CRTAC1: variants seen among roughly 807,000 people sequenced by gnomAD.
CRTAC1 encodes acidic secreted protein in cartilage.
In CRTAC1, 37 loss-of-function variants were observed where a neutral mutation model predicts 67.8. The observed-to-expected ratio is 0.55, with a 90% confidence interval of 0.42 to 0.72. CRTAC1 has a LOEUF of 0.72. CRTAC1 is among the 30% of genes least tolerant of loss of function. The probability of loss-of-function intolerance (pLI) is 0.00; values close to 1 mark genes in which losing one functional copy is unlikely to be tolerated. For synonymous variants in CRTAC1, 348 were observed against 371.0 expected (o/e 0.94, Z 0.71); for missense variants, 780 against 931.6 (o/e 0.84, Z 2.12).
intron 2 of CRTAC1, among the ~76,000 whole-genome samples, chr10:97,984,388 T>C (rs948740761): frequency 4.6e-5 from 7 of 152,218 alleles, no homozygotes; most frequent in African/African-American, 1.4e-4. Context: ...TCCAGACACT[T>C]TGGGGCCTCT....
intron 11 of CRTAC1, among the ~76,000 whole-genome samples, chr10:97,894,698 C>T (rs1217542382): frequency 9.2e-6 from 1 of 108,860 alleles, no homozygotes; most frequent in Non-Finnish European, 1.8e-5. Flanking sequence ...GTGCCCAGCC[C>T]CTGATGCTTT....
intron 7 of CRTAC1, among the ~76,000 whole-genome samples, chr10:97,904,308 C>T (rs2136569526): frequency 6.6e-6 from 1 of 152,298 alleles, no homozygotes; most frequent in Non-Finnish European, 1.5e-5. Context: ...GAGCCTTGAG[C>T]CCTGCTCAGC....
At chr10:97,902,647 A>T (rs1318757591) in intron 7 of CRTAC1, among the ~76,000 whole-genome samples, 1 of 152,160 alleles carries the variant, frequency 6.6e-6, no homozygotes, top group African/African-American at 2.4e-5. Flanking sequence ...TTTCCCCTAA[A>T]GACCTTGGGG....
At chr10:98,027,115 C>T (rs1221983984) in intron 1 of CRTAC1, among the ~76,000 whole-genome samples, 5 of 150,320 alleles carry the variant, frequency 3.3e-5, no homozygotes, top group Non-Finnish European at 1.5e-5. Flanking sequence ...TGCAGTGAGC[C>T]GAGATTGCGC....
intron 3 of CRTAC1, among the ~76,000 whole-genome samples, chr10:97,933,341 G>A (rs1416436356): frequency 6.6e-6 from 1 of 152,260 alleles, no homozygotes; most frequent in Admixed American, 6.5e-5. Context: ...GCCTCTCCCA[G>A]TGCACACTTA....
At chr10:97,905,092 G>C (rs34030605) in intron 6 of CRTAC1, among the ~76,000 whole-genome samples, 2 of 152,096 alleles carry the variant, frequency 1.3e-5, no homozygotes, top group Non-Finnish European at 2.9e-5. Flanking sequence ...GCATGGGTTG[G>C]GGGAGGGAGA....
intron 13 of CRTAC1, among the ~76,000 whole-genome samples, chr10:97,880,702 C>T (rs1590176830): frequency 6.6e-6 from 1 of 152,282 alleles, no homozygotes. Context: ...TGGCTCCAGA[C>T]TCACGAATAC....
At position 98,030,504 on chromosome 10, in the gene CRTAC1, G is replaced by A; in HGVS notation, c.-32C>T. The A allele has an allele frequency of 2.4e-6, 3 of 1,242,206 alleles. No individual in the cohort carries two copies. Among genetic ancestry groups the A allele is most frequent in the Non-Finnish European group, 3.0e-6 (3 of 985,526 alleles). 76.9% of individuals were successfully genotyped at this position (1,242,206 alleles called of 1,614,324 possible). ...GCTCTCGGCCCCGCCGCCTAGGGGC[G>A]TGGGAAGCGGGCGCTCGCTGCCGCC... On this transcript the variant is annotated 5_prime_UTR_variant, in exon 1 of 15. It adds an upstream start codon to the 5' untranslated region. Coordinates refer to ENST00000370597, the MANE Select transcript of CRTAC1 (RefSeq NM_018058.7). The surrounding 1 kb of genome is among the most constrained non-coding windows in gnomAD (Gnocchi z 4.2).
intron 3 of CRTAC1, among the ~76,000 whole-genome samples, chr10:97,934,947 G>A (rs375000779): frequency 6.1e-5 from 9 of 148,212 alleles, no homozygotes; most frequent in South Asian, 2.3e-4. Flanking sequence ...TGCAAGCATC[G>A]CGGTGGAGGG....
chr10:97,964,132 A>G (rs1304930614), intron 2 of CRTAC1, among the ~76,000 whole-genome samples: 1 of 152,160 alleles, frequency 6.6e-6, no homozygotes, highest in Non-Finnish European at 1.5e-5. Context: ...TCTGATCCTC[A>G]TCCAAGACAG....
intron 2 of CRTAC1, among the ~76,000 whole-genome samples, chr10:97,986,478 A>G (rs73334624): frequency 0.018 from 2,780 of 152,254 alleles, 79 homozygotes; most frequent in African/African-American, 0.063. Context: ...ACTTTCAAAA[A>G]CAACCTTGAG....
intron 2 of CRTAC1, among the ~76,000 whole-genome samples, chr10:98,008,769 A>T (rs1397527268): frequency 6.6e-6 from 1 of 152,156 alleles, no homozygotes; most frequent in Non-Finnish European, 1.5e-5. Context: ...AGATGAAAGG[A>T]GGGCATAATA....
chr10:97,908,666 A>G (rs910550383), intron 5 of CRTAC1, among the ~76,000 whole-genome samples: 4 of 152,216 alleles, frequency 2.6e-5, no homozygotes, highest in African/African-American at 4.8e-5. Flanking sequence ...AATTACATCC[A>G]TCAATAGTGA....
At chr10:98,011,642 T>C (rs1842911092) in intron 1 of CRTAC1, among the ~76,000 whole-genome samples, 1 of 152,216 alleles carries the variant, frequency 6.6e-6, no homozygotes, top group Non-Finnish European at 1.5e-5. Context: ...TTATTATTTA[T>C]TGTGTGCCTC....
At chr10:97,980,421 A>G (rs899397455) in intron 2 of CRTAC1, among the ~76,000 whole-genome samples, 1 of 152,214 alleles carries the variant, frequency 6.6e-6, no homozygotes, top group African/African-American at 2.4e-5. Flanking sequence ...AACCTCTAAT[A>G]CTATATTATA....
intron 2 of CRTAC1, among the ~76,000 whole-genome samples, chr10:98,002,101 A>G (rs1363576463): frequency 6.6e-6 from 1 of 152,224 alleles, no homozygotes; most frequent in African/African-American, 2.4e-5. Flanking sequence ...CCGCGGGACT[A>G]AGAAGGTCCT....
At chr10:97,922,258 C>T (rs1183246945) in intron 4 of CRTAC1, among the ~76,000 whole-genome samples, 1 of 152,184 alleles carries the variant, frequency 6.6e-6, no homozygotes, top group Non-Finnish European at 1.5e-5. Flanking sequence ...CTTCACAGCC[C>T]AGCTTGGCTT....
chr10:97,894,726 A>G (rs1307413932), intron 11 of CRTAC1, among the ~76,000 whole-genome samples: 1 of 18,456 alleles, frequency 5.4e-5, no homozygotes, highest in East Asian at 1.7e-3. Flanking sequence ...ATATATATAT[A>G]TATATATATA....
chr10:97,869,621 G>A (rs1480647994), intron 14 of CRTAC1: 1 of 152,318 alleles, frequency 6.6e-6, no homozygotes, highest in Non-Finnish European at 1.5e-5. Flanking sequence ...GAAGCTCGAG[G>A]TGCCACTGAG....
Sources: gnomAD v4.1 joint callset for allele counts (sites outside exome capture counted in the v4.1 genomes callset) on GRCh38, gnomAD v4.1.1 for gene constraint, Gnocchi (gnomAD v3.1) non-coding constraint, MANE v1.5 for transcripts, NCBI Gene and HGNC (gene_info 2026-07-23, HGNC 2026-07-21) for gene names.